Variants in PRKN observed in about 807,000 individuals in gnomAD.
The protein encoded by PRKN is parkin RBR E3 ubiquitin protein ligase.
In PRKN, 56 loss-of-function variants were observed where a neutral mutation model predicts 59.5. The observed-to-expected ratio is 0.94, with a 90% CI of 0.76 to 1.18. The LOEUF (loss-of-function observed/expected upper bound fraction) is 1.18, where lower values mean the gene tolerates loss of function less well. Ranked by LOEUF, PRKN falls within the 50% of genes most tolerant of loss-of-function variation. PRKN has a pLI of 0.00. For missense variants in PRKN, 657 were observed against 596.4 expected, an observed-to-expected ratio of 1.10 and a Z score of -1.06; for synonymous variants, 250 against 222.1, an observed-to-expected ratio of 1.13 and a Z score of -1.12.
At position 161,785,801 on chromosome 6, in the gene PRKN, G is replaced by C. The variant is rs766578225; in HGVS notation, c.842C>G (p.Pro281Arg). 1.2e-6 allele frequency: 2 copies of C among 1,614,048 alleles called. No individual in the cohort carries two copies. Among genetic ancestry groups the C allele is most frequent in the Admixed American group, 3.3e-5 (2 of 60,012 alleles). Residue 281 changes from proline to arginine, a missense_variant, in exon 7 of 12, where the codon CCT (proline) becomes CGT (arginine). By Grantham distance (103) the Pro-to-Arg change is moderately radical. Coordinates refer to ENST00000366898, the MANE Select transcript of PRKN (RefSeq NM_004562.3). Reference protein sequence around the residue: ...RLNDRQFVHDPQLGYSLPCVA... With the variant: ...RLNDRQFVHDRQLGYSLPCVA... Reference sequence around the variant, plus strand: ...ACAAGGCAGGGAGTAGCCAAGTTGAGGGTCGTGAACAAACTGCCGATCATT... The same window carrying C: ...ACAAGGCAGGGAGTAGCCAAGTTGACGGTCGTGAACAAACTGCCGATCATT...
chr6:161,507,932 A>G (rs1244989946), intron 9 of PRKN, among the ~76,000 whole-genome samples: 1 of 152,194 alleles, frequency 6.6e-6, no homozygotes, highest in East Asian at 1.9e-4. Flanking sequence ...TGCTCAATAC[A>G]TAATAGTAGA....
At chr6:162,175,695 G>C (rs1399309560) in intron 4 of PRKN, among the ~76,000 whole-genome samples, 1 of 152,148 alleles carries the variant, frequency 6.6e-6, no homozygotes, top group Admixed American at 6.5e-5. Context: ...AAGTAGAAGT[G>C]GGGTGTCAGG....
chr6:161,535,592 C>T (rs1407594889), intron 9 of PRKN, among the ~76,000 whole-genome samples: 2 of 152,234 alleles, frequency 1.3e-5, no homozygotes, highest in South Asian at 2.1e-4. Flanking sequence ...TATTTCCCAA[C>T]TGCTTTGGGG....
At chr6:162,624,169 A>G (rs112806940) in intron 1 of PRKN, among the ~76,000 whole-genome samples, 12 of 149,808 alleles carry the variant, frequency 8.0e-5, no homozygotes, top group Non-Finnish European at 1.8e-4. Flanking sequence ...AATCGCTTGA[A>G]CCCAGGAGGC....
In PRKN at chr6:162,457,649, C is replaced by T. The variant is rs1199796157; in HGVS notation, c.8-14176G>A. ...CAAAATCCCAAACTTAAGAGTCAGG[C>T]GTTGAAACCAAATAGCCATTCAGTG... is the stretch of plus-strand genomic sequence containing the variant. On this transcript the variant is annotated intron_variant, in intron 1 of 11. Coordinates refer to ENST00000366898, the MANE Select transcript of PRKN (RefSeq NM_004562.3). Among the ~76,000 whole-genome samples, 9 of 152,160 alleles carry T rather than the reference C, an allele frequency of 5.9e-5. No homozygotes were observed. The South Asian group carries it at 1.0e-3, about 18-fold the overall frequency.
At position 161,633,997 on chromosome 6, in the gene PRKN, A is replaced by AACACACACACAC. The variant is rs141101298; in HGVS notation, c.872-64593_872-64582dup. On this transcript the variant is annotated intron_variant, in intron 7 of 11. Transcript: ENST00000366898. Reference sequence around the variant, plus strand: ...GGGCTTTAACCAAATGGAAAACTTAAACACACACACACACACACACACACA... The same window carrying AACACACACACAC: ...GGGCTTTAACCAAATGGAAAACTTAAACACACACACACACACACACACACACACACACACACA... 2.6e-3 allele frequency among the ~76,000 whole-genome samples: 367 copies of AACACACACACAC among 142,118 alleles called. 4 individuals carry two copies. The highest frequency in any genetic ancestry group is 8.9e-3 in the South Asian group (38 of 4,248). The allele number at this position is 142,118 out of a possible 152,430, so 93.2% of individuals were successfully genotyped here. A position where few individuals can be genotyped will look rare whatever the true frequency, so the allele number is the denominator to read the frequency against.
chr6:161,492,873 G>A (rs1777612225), intron 9 of PRKN, among the ~76,000 whole-genome samples: 1 of 152,190 alleles, frequency 6.6e-6, no homozygotes, highest in Admixed American at 6.5e-5. Context: ...GTGATTGTGG[G>A]AAGATTCTCA....
At chr6:161,777,734 T>C (rs1442970693) in intron 7 of PRKN, among the ~76,000 whole-genome samples, 3 of 141,348 alleles carry the variant, frequency 2.1e-5, no homozygotes, top group Non-Finnish European at 4.5e-5. Context: ...TATATATCTA[T>C]ATATGTATAT....
chr6:161,430,114 T>C (rs1481795372), intron 9 of PRKN, among the ~76,000 whole-genome samples: 3 of 152,324 alleles, frequency 2.0e-5, no homozygotes, highest in African/African-American at 4.8e-5. Flanking sequence ...GAGTCTTTTA[T>C]AATGGGCCGT....
At chr6:162,530,766 A>G (rs914795014) in intron 1 of PRKN, among the ~76,000 whole-genome samples, 1 of 152,194 alleles carries the variant, frequency 6.6e-6, no homozygotes, top group African/African-American at 2.4e-5. Flanking sequence ...AAGTAAGTTA[A>G]AAAGTATAAG....
intron 4 of PRKN, among the ~76,000 whole-genome samples, chr6:162,119,309 G>GA (rs138189132): frequency 1.3e-5 from 2 of 152,200 alleles, no homozygotes; most frequent in Non-Finnish European, 2.9e-5. Flanking sequence ...GATGATCAGG[G>GA]AAAGGACTGT....
chr6:162,278,046 T>C (rs1562635132), intron 2 of PRKN, among the ~76,000 whole-genome samples: 2 of 152,136 alleles, frequency 1.3e-5, no homozygotes, highest in Non-Finnish European at 2.9e-5. Flanking sequence ...GGTGAATGGA[T>C]AAAGTATCAG....
intron 1 of PRKN, among the ~76,000 whole-genome samples, chr6:162,692,618 G>T (rs1584059440): frequency 6.6e-6 from 1 of 151,704 alleles, no homozygotes; most frequent in African/African-American, 2.4e-5. Flanking sequence ...GACCCTCCGG[G>T]TTGACAATAC....
At chr6:162,635,521 T>C (rs1777674403) in intron 1 of PRKN, among the ~76,000 whole-genome samples, 1 of 152,170 alleles carries the variant, frequency 6.6e-6, no homozygotes, top group Non-Finnish European at 1.5e-5. Context: ...AATTCAAATA[T>C]TCTCCAAGAG....
At chr6:161,739,382 T>C (rs1422480556) in intron 7 of PRKN, among the ~76,000 whole-genome samples, 2 of 152,134 alleles carry the variant, frequency 1.3e-5, no homozygotes, top group Admixed American at 6.5e-5. Flanking sequence ...CACTCCAGCC[T>C]GGGCGACAGC....
At chr6:161,935,545 C>A (rs766793502) in intron 6 of PRKN, among the ~76,000 whole-genome samples, 1 of 143,074 alleles carries the variant, frequency 7.0e-6, no homozygotes, top group African/African-American at 2.6e-5. Context: ...CAGAGCAAGA[C>A]CTTGTTTCCA....
chr6:161,881,766 A>G (rs1206978536), intron 6 of PRKN, among the ~76,000 whole-genome samples: 4 of 152,212 alleles, frequency 2.6e-5, no homozygotes, highest in Admixed American at 2.6e-4. Context: ...GCTTTACAAA[A>G]ACATTGGACT....
intron 2 of PRKN, among the ~76,000 whole-genome samples, chr6:162,418,031 T>C (rs530352599): frequency 7.9e-5 from 12 of 152,262 alleles, no homozygotes; most frequent in African/African-American, 2.9e-4. Flanking sequence ...AGTAAAAACA[T>C]AGGCCTATAC....
Position 161,371,120 on chromosome 6 carries a change from T to C in PRKN, c.1168-10915A>G, listed in dbSNP as rs1200901701. Among the ~76,000 whole-genome samples the C allele has an allele frequency of 6.6e-6, 1 of 152,312 alleles. No homozygotes were observed. Among genetic ancestry groups the C allele is most frequent in the Non-Finnish European group, 1.5e-5 (1 of 68,036 alleles). On this transcript the variant is annotated intron_variant, in intron 10 of 11. Transcript: ENST00000366898. The surrounding 1 kb of genome is among the most constrained non-coding windows in gnomAD (Gnocchi z 5.5). ...TTGTTCTCACATTGTCTTATGACTA[T>C]CTCTTTTTGGAGAATATGTATATAT...
Sources: allele counts gnomAD v4.1 joint callset (sites outside exome capture counted in the v4.1 genomes callset), GRCh38; gene constraint gnomAD v4.1.1; non-coding constraint Gnocchi (gnomAD v3.1); transcripts MANE v1.5; gene names NCBI Gene and HGNC (gene_info 2026-07-23, HGNC 2026-07-21).